The following KCTD2 variants were observed in gnomAD, a reference collection of about 807,000 sequenced individuals.
The protein encoded by KCTD2 is potassium channel tetramerization domain containing 2.
Under a neutral mutation model 27.9 loss-of-function variants are expected in KCTD2, and 18 were observed. That is an observed-to-expected ratio of 0.64 (90% CI 0.45 to 0.96). KCTD2 has a LOEUF of 0.96. KCTD2 is among the 40% of genes least tolerant of loss of function. KCTD2 has a pLI of 0.00. For missense variants in KCTD2, 280 were observed against 348.0 expected (o/e 0.80, Z 1.56); for synonymous variants, 175 against 148.4 (o/e 1.18, Z -1.30).
intron 2 of KCTD2, among the ~76,000 whole-genome samples, chr17:75,050,832 A>G (rs972876975): frequency 6.6e-6 from 1 of 151,978 alleles, no homozygotes; most frequent in African/African-American, 2.4e-5. Context: ...TATTTGGGGT[A>G]TGGGGAGATC....
upstream of KCTD2, among the ~76,000 whole-genome samples, chr17:75,046,727 AC>A (rs2073223295): frequency 6.6e-6 from 1 of 152,026 alleles, no homozygotes; most frequent in Non-Finnish European, 1.5e-5. Flanking sequence ...GGCCCCCCTG[AC>A]CCCGCGCGCC....
At chr17:75,051,325 C>T (rs1336958874) in intron 2 of KCTD2, among the ~76,000 whole-genome samples, 4 of 134,148 alleles carry the variant, frequency 3.0e-5, no homozygotes, top group Admixed American at 8.0e-5. Context: ...CCCTCTGTTG[C>T]CCAGGCTGGA....
chr17:75,042,218 A>C, intron 3 of KCTD2: 1 of 1,614,224 alleles, frequency 6.2e-7, no homozygotes, highest in Non-Finnish European at 8.5e-7. Context: ...AGCCTTGGCC[A>C]CATTGGCCTT....
intron 3 of KCTD2, among the ~76,000 whole-genome samples, chr17:75,055,542 C>T (rs954248960): frequency 6.6e-6 from 1 of 150,574 alleles, no homozygotes; most frequent in Non-Finnish European, 1.5e-5. Flanking sequence ...ATGGTGAAAC[C>T]CTGTCTACTG....
Position 75,062,899 on chromosome 17 carries a change from G to T in KCTD2, c.763-119G>T, listed in dbSNP as rs547731996. Reference sequence around the variant, plus strand: ...CGGGTGAGGCTGCGGCTGCACCCCTGCTTGCTTCCTGGGATGACAGGACCA... The same window carrying T: ...CGGGTGAGGCTGCGGCTGCACCCCTTCTTGCTTCCTGGGATGACAGGACCA... On this transcript the variant is annotated intron_variant, in intron 5 of 5. Coordinates refer to ENST00000322444, the MANE Select transcript of KCTD2 (RefSeq NM_015353.3). 4 of 1,071,496 alleles carry T rather than the reference G, an allele frequency of 3.7e-6. No individual in the cohort carries two copies. In the South Asian group the frequency reaches 4.0e-5, roughly 11 times the overall value. The allele number at this position is 1,071,496 out of a possible 1,614,324, so 66.4% of individuals were successfully genotyped here.
rs2073437594 is a variant in KCTD2, at chr17:75,064,546, A to C, written c.*1499A>C. 1 of 152,160 alleles carries C rather than the reference A, an allele frequency of 6.6e-6. No homozygotes were observed. The highest frequency in any genetic ancestry group is 2.4e-5 in the African/African-American group (1 of 41,388). 9.4% of individuals were successfully genotyped at this position (152,160 alleles called of 1,614,324 possible). ...GTGCCAAATGTCTTTTGAGCTTCTG[A>C]CCTGACCATGCCCAGATGGCATAAC... is the stretch of plus-strand genomic sequence containing the variant. On this transcript the variant is annotated 3_prime_UTR_variant, in exon 6 of 6. Coordinates refer to ENST00000322444, the MANE Select transcript of KCTD2 (RefSeq NM_015353.3).
chr17:75,042,339 A>G (rs2073169932), upstream of KCTD2: 1 of 1,572,686 alleles, frequency 6.4e-7, no homozygotes, highest in East Asian at 2.3e-5. Flanking sequence ...TCACATGGTA[A>G]TTTTCCTATC....
intron 3 of KCTD2, chr17:75,036,163 C>G (rs1482880388): frequency 1.3e-5 from 5 of 375,964 alleles, no homozygotes; most frequent in Non-Finnish European, 2.2e-5. Flanking sequence ...ACGCCATTCT[C>G]CTGCCTCATC....
At position 75,063,081 on chromosome 17, in the gene KCTD2, A is replaced by G. The variant is rs752600867; in HGVS notation, c.*34A>G. ...CCCGAAAACTCCAGACCTTCAGGAG[A>G]GCAGTCAGCAGAGCCCCTCTGTGAA... On this transcript the variant is annotated 3_prime_UTR_variant, in exon 6 of 6. Coordinates refer to ENST00000322444, the MANE Select transcript of KCTD2 (RefSeq NM_015353.3). 32 of 1,602,522 alleles carry G rather than the reference A, an allele frequency of 2.0e-5. 1 individual carries two copies. The South Asian group carries it at 3.0e-4, about 15-fold the overall frequency.
intron 4 of KCTD2, 75 bp downstream of exon 4, chr17:75,059,680 T>G: frequency 8.6e-7 from 1 of 1,164,780 alleles, no homozygotes; most frequent in Non-Finnish European, 1.3e-6. Context: ...TCAGTGTGGA[T>G]GGCCAATTAA....
chr17:75,053,236 T>C (rs2073309970), intron 3 of KCTD2, 131 bp downstream of exon 3: 3 of 711,216 alleles, frequency 4.2e-6, no homozygotes, highest in African/African-American at 1.8e-5. Context: ...GTGCAGGGAA[T>C]GCACACTCAG....
Position 75,065,726 on chromosome 17 carries a change from G to A in KCTD2, c.*2679G>A, listed in dbSNP as rs71380864. 2,550 of 152,432 alleles carry A rather than the reference G, an allele frequency of 0.017. 35 individuals carry two copies. The highest frequency in any genetic ancestry group is 0.027 in the Non-Finnish European group (1,834 of 68,110). The allele number at this position is 152,432 out of a possible 1,614,324, so 9.4% of individuals were successfully genotyped here. ...GGAGCCACGGGATGCTGAGAGAGGA[G>A]GCCCGAGAGGACACCCCACCCTCCA... On this transcript the variant is annotated 3_prime_UTR_variant, in exon 6 of 6. Transcript: ENST00000322444.
intron 3 of KCTD2, chr17:75,036,179 A>C (rs1234994865): frequency 1.7e-5 from 6 of 353,284 alleles, no homozygotes; most frequent in Non-Finnish European, 2.3e-5. Flanking sequence ...TCATCCTCCC[A>C]AAGTGTTGAG....
intron 3 of KCTD2, chr17:75,042,151 G>A: frequency 6.3e-7 from 1 of 1,584,618 alleles, no homozygotes; most frequent in South Asian, 1.1e-5. Context: ...CATGTTACAA[G>A]CTCAGTGCTT....
chr17:75,047,180 C>T, upstream of KCTD2: 4 of 442,348 alleles, frequency 9.0e-6, no homozygotes, highest in Non-Finnish European at 1.4e-5. Flanking sequence ...TGGGCCGGCC[C>T]GGCTCTCCCT....
At chr17:75,062,302 G>A (rs1020052307) in intron 5 of KCTD2, 57 bp downstream of exon 5, 21 of 1,547,322 alleles carry the variant, frequency 1.4e-5, no homozygotes, top group African/African-American at 5.6e-5. Flanking sequence ...CACCCCCTCC[G>A]TGGGCTTTTC....
chr17:75,037,694 C>T (rs534527047), intron 3 of KCTD2, among the ~76,000 whole-genome samples: 21 of 152,278 alleles, frequency 1.4e-4, no homozygotes, highest in Middle Eastern at 3.4e-3. Flanking sequence ...TATTGCCTGA[C>T]GTTGCTCAGG....
Position 75,059,555 on chromosome 17 carries a change from G to C in KCTD2, c.586G>C (p.Glu196Gln). 6.2e-7 allele frequency: 1 copy of C among 1,614,180 alleles called. No homozygotes were observed. The stretch of plus-strand genomic sequence containing the variant: ...CAGAGTCCTGCAGTGTCAGGAAGAA[G>C]AGCTCACGCAGATGGTGTCCACGAT... ...VYRVLQCQEE[E>Q]LTQMVSTMSD... The change falls in exon 4 of 6, where the codon GAG (glutamate) becomes CAG (glutamine). Residue 196 changes from glutamate (E) to glutamine (Q), a missense_variant. Transcript: ENST00000322444.
At position 75,065,234 on chromosome 17, in the gene KCTD2, C is replaced by G. The variant is rs2144948555; in HGVS notation, c.*2187C>G. The G allele has an allele frequency of 6.6e-6, 1 of 152,344 alleles. No homozygotes were observed. The highest frequency in any genetic ancestry group is 1.9e-4 in the East Asian group (1 of 5,182). 9.4% of individuals were successfully genotyped at this position (152,344 alleles called of 1,614,324 possible). ...GGAGGGCTGGTGTTCACCAAGTTTC[C>G]CTCCTCGCTGCAACCCAATGACACC... On this transcript the variant is annotated 3_prime_UTR_variant, in exon 6 of 6. Transcript: ENST00000322444.
Sources: gnomAD v4.1 joint callset for allele counts (sites outside exome capture counted in the v4.1 genomes callset) on GRCh38, gnomAD v4.1.1 for gene constraint, MANE v1.5 for transcripts, NCBI Gene and HGNC (gene_info 2026-07-23, HGNC 2026-07-21) for gene names.